Variants in MACF1 observed in about 807,000 individuals in gnomAD.
MACF1 encodes microtubule-actin cross-linking factor 1.
Under a neutral mutation model 854.8 loss-of-function variants are expected in MACF1, and 193 were observed. The observed-to-expected ratio is 0.23, with a 90% CI of 0.20 to 0.25. The LOEUF is 0.25. MACF1 is among the 10% of genes least tolerant of loss of function. The probability of loss-of-function intolerance (pLI) is 1.00; values close to 1 mark genes in which losing one functional copy is unlikely to be tolerated. For missense variants in MACF1, 7,722 were observed against 8,929.1 expected, an observed-to-expected ratio of 0.86 and a Z score of 5.45; for synonymous variants, 3,185 against 3,226.7, an observed-to-expected ratio of 0.99 and a Z score of 0.44.
At chr1:39,412,814 C>T (rs748694710) in intron 58 of MACF1, 3 of 1,612,648 alleles carry the variant, frequency 1.9e-6, no homozygotes, top group South Asian at 2.2e-5. Flanking sequence ...CTAGATGCTG[C>T]ACTGCCCAGC....
intron 58 of MACF1, 23 bp from the exon 59 acceptor site, chr1:39,422,351 T>A: frequency 1.9e-6 from 3 of 1,609,696 alleles, no homozygotes; most frequent in Non-Finnish European, 2.5e-6. Flanking sequence ...GTATTAAATC[T>A]TCTTTGGCTT....
intron 37 of MACF1, 50 bp from the exon 38 acceptor site, chr1:39,337,132 A>C: frequency 6.4e-7 from 1 of 1,563,534 alleles, no homozygotes; most frequent in Non-Finnish European, 8.7e-7. Flanking sequence ...TTTAAAGCTG[A>C]CTTACAGGAG....
chr1:39,473,913 G>A (rs952364324), intron 97 of MACF1, among the ~76,000 whole-genome samples: 1 of 152,186 alleles, frequency 6.6e-6, no homozygotes, highest in Admixed American at 6.5e-5. Flanking sequence ...GAGAGCAAGA[G>A]GGGAAGAGAT....
chr1:39,458,830 G>A, intron 90 of MACF1: 5 of 492,148 alleles, frequency 1.0e-5, no homozygotes, highest in Non-Finnish European at 1.4e-5. Flanking sequence ...TTTTTTAGTT[G>A]AGTTAACGTG....
intron 2 of MACF1, among the ~76,000 whole-genome samples, chr1:39,190,422 T>C (rs509436): frequency 0.93 from 103,937 of 111,528 alleles, 48,443 homozygotes; most frequent in Middle Eastern, 0.98. Flanking sequence ...TTTTTTTTGA[T>C]GGAATCTTGC....
intron 17 of MACF1, 36 bp downstream of exon 17, chr1:39,292,879 AGAGTCTGGTTCCCCC>A: frequency 1.3e-6 from 2 of 1,549,672 alleles, no homozygotes; most frequent in African/African-American, 2.7e-5. Flanking sequence ...TTCTGCTCAT[AGAGTCTGGTTCCCCC>A]CAATCAACTC....
intron 6 of MACF1, among the ~76,000 whole-genome samples, chr1:39,267,129 G>A (rs1162508781): frequency 2.0e-5 from 3 of 152,174 alleles, no homozygotes; most frequent in African/African-American, 7.2e-5. Flanking sequence ...GAGTAGTTGG[G>A]GTTGAAATTA....
intron 2 of MACF1, among the ~76,000 whole-genome samples, chr1:39,160,485 A>G (rs372007672): frequency 2.6e-4 from 40 of 152,324 alleles, no homozygotes; most frequent in African/African-American, 9.4e-4. Flanking sequence ...TCTGTTTTCT[A>G]ATCTTTCATT....
intron 2 of MACF1, among the ~76,000 whole-genome samples, chr1:39,160,154 G>C (rs1643768703): frequency 6.6e-6 from 1 of 151,988 alleles, no homozygotes; most frequent in African/African-American, 2.4e-5. Flanking sequence ...CATCTCTACA[G>C]AAATGTTAAA....
rs369618247 is a variant in MACF1 at position 39,412,104 on chromosome 1, A to G, written c.15817-10270A>G. On this transcript the variant is annotated intron_variant, in intron 58 of 100. Transcript: ENST00000564288. ...ACTCTGATCACAGGGTTTCTCATGA[A>G]GAAAAATTATCAGGCTTCATTGCTT... The G allele has an allele frequency of 3.1e-4, 506 of 1,614,030 alleles. 2 individuals carry two copies. The African/African-American group carries it at 6.2e-3, about 20-fold the overall frequency.
At chr1:39,311,917 A>T (rs1002011689) in intron 26 of MACF1, among the ~76,000 whole-genome samples, 1 of 152,012 alleles carries the variant, frequency 6.6e-6, no homozygotes, top group African/African-American at 2.4e-5. Flanking sequence ...CTAACTTTCT[A>T]TTTTTTCCCC....
At chr1:39,393,084 G>A (rs1022293053) in intron 58 of MACF1, among the ~76,000 whole-genome samples, 1 of 151,146 alleles carries the variant, frequency 6.6e-6, no homozygotes, top group Non-Finnish European at 1.5e-5. Flanking sequence ...AAAAGGAATT[G>A]TATGTGTCTA....
At chr1:39,268,009 A>G (rs1323851817) in intron 6 of MACF1, among the ~76,000 whole-genome samples, 2 of 152,228 alleles carry the variant, frequency 1.3e-5, no homozygotes, top group African/African-American at 2.4e-5. Flanking sequence ...TCTGACCTGA[A>G]AAAATTCAGA....
chr1:39,221,529 C>T (rs1008540231), intron 1 of MACF1, among the ~76,000 whole-genome samples: 1 of 152,166 alleles, frequency 6.6e-6, no homozygotes, highest in African/African-American at 2.4e-5. Flanking sequence ...GTACCCTCAC[C>T]AAATCGGTAA....
rs150273938 is a variant in MACF1 at position 39,360,951 on chromosome 1, G to C, written c.12403G>C (p.Val4135Leu). The C allele has an allele frequency of 1.9e-6, 3 of 1,613,978 alleles. No individual in the cohort carries two copies. The highest frequency in any genetic ancestry group is 2.7e-5 in the African/African-American group (2 of 74,906). The part of the protein sequence containing the change: ...EVEQNLEGKQ[V>L]SSLSSGVIQE... ...TGAACAAAACCTGGAAGGGAAGCAG[G>C]TGTCATCACTCTCATCAGGAGTCAT... The change falls in exon 48 of 101, where the codon GTG becomes CTG. Residue 4135 changes from valine (V) to leucine (L), a missense_variant. Transcript: ENST00000564288.
At chr1:39,127,611 A>G (rs1419706189) in intron 2 of MACF1, among the ~76,000 whole-genome samples, 1 of 152,200 alleles carries the variant, frequency 6.6e-6, no homozygotes, top group Non-Finnish European at 1.5e-5. Context: ...AACTCAGTAT[A>G]TACTTTTCCT....
At chr1:39,318,894 T>G (rs1646462060) in intron 30 of MACF1, among the ~76,000 whole-genome samples, 1 of 152,162 alleles carries the variant, frequency 6.6e-6, no homozygotes, top group African/African-American at 2.4e-5. Context: ...TTATATTACA[T>G]TTTATTTTAC....
intron 2 of MACF1, among the ~76,000 whole-genome samples, chr1:39,104,358 C>G (rs1484309867): frequency 1.3e-5 from 2 of 152,188 alleles, no homozygotes; most frequent in Non-Finnish European, 2.9e-5. Flanking sequence ...CAAAATGGCC[C>G]CTAATAAATC....
Position 39,251,905 on chromosome 1 carries a change from C to T in MACF1, c.321C>T (p.Asn107=). 6.6e-7 allele frequency: 1 copy of T among 1,519,660 alleles called. No homozygotes were observed. Among genetic ancestry groups the T allele is most frequent in the Admixed American group, 2.0e-5 (1 of 49,256 alleles). 94.1% of individuals were successfully genotyped at this position (1,519,660 alleles called of 1,614,324 possible). Residue 107 remains asparagine (N), a synonymous_variant, in exon 4 of 101, where the codon AAC becomes AAT. Transcript: ENST00000564288. Reference sequence around the variant, plus strand: ...GCATGCCCTCCTGGTGCCATACAAACAACGAGGAGCAGGCGGAGGAAGATG... The same window carrying T: ...GCATGCCCTCCTGGTGCCATACAAATAACGAGGAGCAGGCGGAGGAAGATG... The part of the protein sequence containing the change: ...LVSMPSWCHT[N]NEEQAEEDDD...
Sources: allele counts gnomAD v4.1 joint callset (sites outside exome capture counted in the v4.1 genomes callset), GRCh38; gene constraint gnomAD v4.1.1; transcripts MANE v1.5; gene names NCBI Gene and HGNC (gene_info 2026-07-23, HGNC 2026-07-21).